RBFOX1: variants seen among roughly 807,000 people sequenced by gnomAD.
RBFOX1 encodes the protein RNA binding fox-1 homolog 1.
A neutral mutation model predicts 57.7 loss-of-function variants in RBFOX1; 8 were observed. That is an observed-to-expected ratio of 0.14 (90% CI 0.08 to 0.25). RBFOX1 has a LOEUF of 0.25. RBFOX1 is among the 10% of genes least tolerant of loss of function. RBFOX1 has a pLI of 1.00. For synonymous variants in RBFOX1, 326 were observed against 222.4 expected, an observed-to-expected ratio of 1.47 and a Z score of -4.15; for missense variants, 611 against 548.5, an observed-to-expected ratio of 1.11 and a Z score of -1.14.
chr16:5,726,419 A>G (rs539643268), intron 3 of RBFOX1, among the ~76,000 whole-genome samples: 35 of 152,280 alleles, frequency 2.3e-4, no homozygotes, highest in African/African-American at 8.2e-4. Flanking sequence ...GCCCTAGACA[A>G]CAACCCCTCC....
intron 4 of RBFOX1, among the ~76,000 whole-genome samples, chr16:7,221,064 C>T (rs1005750674): frequency 6.6e-6 from 1 of 152,108 alleles, no homozygotes; most frequent in Admixed American, 6.6e-5. Context: ...TGTTCGCTGT[C>T]TTCATTAAAA....
At chr16:5,438,688 C>CG (rs1317079609) in intron 1 of RBFOX1, among the ~76,000 whole-genome samples, 1 of 152,112 alleles carries the variant, frequency 6.6e-6, no homozygotes, top group Non-Finnish European at 1.5e-5. Flanking sequence ...AAGGGTCACT[C>CG]TGTTTTGGAG....
intron 4 of RBFOX1, among the ~76,000 whole-genome samples, chr16:7,475,620 C>T (rs1030840907): frequency 6.6e-6 from 1 of 151,906 alleles, no homozygotes; most frequent in South Asian, 2.1e-4. Flanking sequence ...CTAGGATGGG[C>T]ATTCTTGTAG....
intron 14 of RBFOX1, among the ~76,000 whole-genome samples, chr16:7,700,158 G>C (rs539850466): frequency 6.6e-6 from 1 of 152,084 alleles, no homozygotes; most frequent in East Asian, 1.9e-4. Context: ...CCAATTCAGG[G>C]GTAGCTCTGA....
intron 2 of RBFOX1, among the ~76,000 whole-genome samples, chr16:5,550,338 A>C (rs1311887318): frequency 6.6e-6 from 1 of 152,144 alleles, no homozygotes; most frequent in Non-Finnish European, 1.5e-5. Flanking sequence ...TGTCTTACCC[A>C]CCACTGTTGC....
chr16:6,509,704 G>T (rs1440736236), intron 2 of RBFOX1, among the ~76,000 whole-genome samples: 1 of 152,158 alleles, frequency 6.6e-6, no homozygotes, highest in Admixed American at 6.5e-5. Flanking sequence ...ATTGTTTGCA[G>T]CACAAAAGAT....
At chr16:5,390,285 T>C (rs1367553556) in intron 1 of RBFOX1, among the ~76,000 whole-genome samples, 1 of 53,212 alleles carries the variant, frequency 1.9e-5, no homozygotes, top group Non-Finnish European at 4.7e-5. Context: ...AAGTAGTTTT[T>C]TTTTTCTTTT....
chr16:7,572,895 G>A (rs1270554675), intron 5 of RBFOX1, among the ~76,000 whole-genome samples: 3 of 130,484 alleles, frequency 2.3e-5, no homozygotes, highest in Non-Finnish European at 5.1e-5. Context: ...CAATGGTACT[G>A]ACATTGAGGA....
At chr16:5,582,347 G>T (rs1297710778) in intron 2 of RBFOX1, among the ~76,000 whole-genome samples, 1 of 152,082 alleles carries the variant, frequency 6.6e-6, no homozygotes, top group Non-Finnish European at 1.5e-5. Flanking sequence ...TTCCACACAG[G>T]GCATTGGACT....
chr16:6,860,649 C>T (rs2058829009), intron 3 of RBFOX1, among the ~76,000 whole-genome samples: 1 of 152,102 alleles, frequency 6.6e-6, no homozygotes, highest in Non-Finnish European at 1.5e-5. Context: ...CATTAATTGT[C>T]CACCAATAGG....
At chr16:5,568,907 C>T (rs2046169847) in intron 2 of RBFOX1, among the ~76,000 whole-genome samples, 1 of 152,240 alleles carries the variant, frequency 6.6e-6, no homozygotes, top group African/African-American at 2.4e-5. Flanking sequence ...GTGACGCGAT[C>T]TCAGATCACT....
At chr16:5,740,351 C>A (rs2052729569) in intron 3 of RBFOX1, among the ~76,000 whole-genome samples, 1 of 152,154 alleles carries the variant, frequency 6.6e-6, no homozygotes, top group Admixed American at 6.5e-5. Flanking sequence ...CAGCACAGTC[C>A]CCCAGGCACA....
At chr16:7,585,291 A>G (rs2094042432) in intron 6 of RBFOX1, among the ~76,000 whole-genome samples, 1 of 152,114 alleles carries the variant, frequency 6.6e-6, no homozygotes, top group Admixed American at 6.5e-5. Flanking sequence ...GTTTTCTTCT[A>G]TTTCCAGTGA....
chr16:5,329,919 C>G (rs1194023621), intron 1 of RBFOX1, among the ~76,000 whole-genome samples: 1 of 149,890 alleles, frequency 6.7e-6, no homozygotes, highest in Non-Finnish European at 1.5e-5. Flanking sequence ...GGAGGTGGAG[C>G]TTGCAGTGAG....
In RBFOX1 at chr16:7,498,021, C is replaced by T. The variant is rs1251034366; in HGVS notation, c.28-20126C>T. 2.0e-5 allele frequency among the ~76,000 whole-genome samples: 3 copies of T among 152,184 alleles called. No homozygotes were observed. In the East Asian group the frequency reaches 5.8e-4, roughly 29 times the overall value. On this transcript the variant is annotated intron_variant, in intron 4 of 15. Coordinates refer to ENST00000550418, the MANE Select transcript of RBFOX1 (RefSeq NM_018723.4). The stretch of plus-strand genomic sequence containing the variant: ...CCTGTCCCCAAATAGGTGCTTTAGA[C>T]AGATTCTCTGAGCCTTGGGAGCTTT...
chr16:6,829,889 A>G (rs1034533194), intron 3 of RBFOX1, among the ~76,000 whole-genome samples: 2 of 152,080 alleles, frequency 1.3e-5, no homozygotes, highest in Admixed American at 1.3e-4. Context: ...GGTGTAAACC[A>G]CCATGCCCAG....
intron 3 of RBFOX1, among the ~76,000 whole-genome samples, chr16:5,629,041 T>C (rs2048425748): frequency 6.6e-6 from 1 of 152,178 alleles, no homozygotes; most frequent in South Asian, 2.1e-4. Flanking sequence ...GCACCCATCG[T>C]AGGGCAAACA....
intron 1 of RBFOX1, among the ~76,000 whole-genome samples, chr16:6,095,296 C>T (rs2096231172): frequency 6.6e-6 from 1 of 152,100 alleles, no homozygotes; most frequent in Non-Finnish European, 1.5e-5. Flanking sequence ...ATGCTAAATC[C>T]TTCATGGGTT....
intron 1 of RBFOX1, among the ~76,000 whole-genome samples, chr16:5,423,029 G>A (rs1279849781): frequency 8.9e-6 from 1 of 112,754 alleles, no homozygotes; most frequent in Non-Finnish European, 1.9e-5. Flanking sequence ...AGGGAGGAAG[G>A]GGAGGGAGGA....
Sources: gnomAD v4.1 joint callset for allele counts (sites outside exome capture counted in the v4.1 genomes callset) on GRCh38, gnomAD v4.1.1 for gene constraint, MANE v1.5 for transcripts, NCBI Gene and HGNC (gene_info 2026-07-23, HGNC 2026-07-21) for gene names.